ITSN1: variants seen among roughly 807,000 people sequenced by gnomAD.
The protein encoded by ITSN1 is intersectin 1.
A neutral mutation model predicts 239.8 loss-of-function variants in ITSN1; 58 were observed. The observed-to-expected ratio is 0.24, with a 90% CI of 0.20 to 0.30. The LOEUF is 0.30. Ranked by LOEUF, ITSN1 falls within the 10% of genes least tolerant of loss-of-function variation. ITSN1 has a pLI of 1.00. For missense variants in ITSN1, 1,558 were observed against 2,103.3 expected (o/e 0.74, Z 5.07); for synonymous variants, 780 against 770.8 (o/e 1.01, Z -0.20).
intron 29 of ITSN1, among the ~76,000 whole-genome samples, chr21:33,855,084 G>A (rs1979063559): frequency 6.6e-6 from 1 of 152,164 alleles, no homozygotes; most frequent in South Asian, 2.1e-4. Context: ...TTGGCCCAGA[G>A]GGATCATACA....
intron 1 of ITSN1, among the ~76,000 whole-genome samples, chr21:33,717,371 A>G (rs1305787743): frequency 2.0e-5 from 3 of 149,856 alleles, no homozygotes; most frequent in Non-Finnish European, 4.4e-5. Flanking sequence ...TAATTTTTGT[A>G]TTTTTACTAG....
chr21:33,856,877 A>G lies in ITSN1; in HGVS notation c.3783+20A>G. The G allele has an allele frequency of 6.4e-7, 1 of 1,567,290 alleles. No individual in the cohort carries two copies. ...ACAGAGGTAAGGGAGCTGGTGGGGC[A>G]GGGGGCACGGCAGGGGGCGATGACG... is the stretch of plus-strand genomic sequence containing the variant. On this transcript the variant is annotated intron_variant, in intron 30 of 39. Coordinates refer to ENST00000381318, the MANE Select transcript of ITSN1 (RefSeq NM_003024.3).
At chr21:33,886,486 A>G (rs767977417) in intron 39 of ITSN1, 26 bp downstream of exon 39, 8 of 1,508,754 alleles carry the variant, frequency 5.3e-6, no homozygotes, top group Non-Finnish European at 7.1e-6. Flanking sequence ...CCCTGTGGTT[A>G]TTCCTCCTTC....
At chr21:33,704,040 T>G (rs571213202) in intron 1 of ITSN1, among the ~76,000 whole-genome samples, 1 of 152,288 alleles carries the variant, frequency 6.6e-6, no homozygotes, top group East Asian at 1.9e-4. Flanking sequence ...TTCTGTTTGT[T>G]TTCAGCGTAG....
intron 22 of ITSN1, among the ~76,000 whole-genome samples, chr21:33,816,234 T>A (rs1198869194): frequency 6.6e-6 from 1 of 151,752 alleles, no homozygotes; most frequent in Non-Finnish European, 1.5e-5. Flanking sequence ...TTAACCTGAG[T>A]CCGTAATAGA....
intron 25 of ITSN1, among the ~76,000 whole-genome samples, chr21:33,824,077 T>C (rs2073842508): frequency 6.6e-6 from 1 of 152,188 alleles, no homozygotes; most frequent in Admixed American, 6.5e-5. Context: ...GAATATTGGA[T>C]ATTATTAGAA....
At chr21:33,863,122 A>G (rs1444968368) in intron 31 of ITSN1, among the ~76,000 whole-genome samples, 1 of 152,216 alleles carries the variant, frequency 6.6e-6, no homozygotes, top group African/African-American at 2.4e-5. Context: ...TGCGGTCTTC[A>G]TAAGTCTTTG....
rs557977306 is a variant in ITSN1 at position 33,666,084 on chromosome 21, G to A, written c.-33+23371G>A. 5.3e-5 allele frequency among the ~76,000 whole-genome samples: 8 copies of A among 152,120 alleles called. No individual in the cohort carries two copies. The East Asian group carries it at 1.2e-3, about 22-fold the overall frequency. ...GCTGGGATTACAGGTGCCCACTGTC[G>A]TGCCCAGCTAATTCTTTTGCATTTT... is the stretch of plus-strand genomic sequence containing the variant. On this transcript the variant is annotated intron_variant, in intron 1 of 39. Coordinates refer to ENST00000381318, the MANE Select transcript of ITSN1 (RefSeq NM_003024.3).
chr21:33,738,471 G>A (rs1005493983), intron 5 of ITSN1, among the ~76,000 whole-genome samples: 3 of 151,512 alleles, frequency 2.0e-5, no homozygotes, highest in South Asian at 2.1e-4. Flanking sequence ...GCATGATCTC[G>A]GCTCACTGCA....
At chr21:33,834,457 G>T (rs199832630) in intron 28 of ITSN1, 33 bp downstream of exon 28, 3 of 1,396,832 alleles carry the variant, frequency 2.1e-6, no homozygotes, top group East Asian at 2.3e-5. Context: ...CTGGAAGATG[G>T]TCTGCATGCC....
intron 24 of ITSN1, among the ~76,000 whole-genome samples, chr21:33,822,080 T>A (rs2073713278): frequency 6.6e-6 from 1 of 152,216 alleles, no homozygotes; most frequent in South Asian, 2.1e-4. Context: ...CCCTGGGACG[T>A]TTGAATGACC....
intron 17 of ITSN1, among the ~76,000 whole-genome samples, chr21:33,795,026 T>C (rs549611837): frequency 6.6e-6 from 1 of 152,372 alleles, no homozygotes; most frequent in South Asian, 2.1e-4. Flanking sequence ...CTGTAGTAAA[T>C]TGTAGAAATT....
chr21:33,710,086 T>G (rs1286846571), intron 1 of ITSN1, among the ~76,000 whole-genome samples: 9 of 151,204 alleles, frequency 6.0e-5, no homozygotes, highest in Admixed American at 1.3e-4. Context: ...TTTTTGTTTT[T>G]TTTTTTTTTT....
chr21:33,755,343 A>C lies in ITSN1; in HGVS notation c.670A>C (p.Lys224Gln). 6.2e-7 allele frequency: 1 copy of C among 1,611,638 alleles called. No homozygotes were observed. The highest frequency in any genetic ancestry group is 8.5e-7 in the Non-Finnish European group (1 of 1,178,498). Residue 224 changes from lysine (K) to glutamine (Q), a missense_variant, in exon 8 of 40, where the codon AAA (lysine) becomes CAA (glutamine). By Grantham distance (53) the Lys-to-Gln change is moderately conservative. Coordinates refer to ENST00000381318, the MANE Select transcript of ITSN1 (RefSeq NM_003024.3). ...GGCTGTTCCTCAGTCATCAAGACTG[A>C]AATACAGGCAATTATTCAATAGTCA... ...EWAVPQSSRL[K>Q]YRQLFNSHDK...
At chr21:33,851,214 G>A (rs1349198821) in intron 29 of ITSN1, among the ~76,000 whole-genome samples, 1 of 151,974 alleles carries the variant, frequency 6.6e-6, no homozygotes, top group African/African-American at 2.4e-5. Flanking sequence ...TGGCACCTGG[G>A]TGAAGGCTTG....
chr21:33,757,110 A>C (rs1037580475), intron 8 of ITSN1: 1 of 152,234 alleles, frequency 6.6e-6, no homozygotes, highest in African/African-American at 2.4e-5. Flanking sequence ...ACTGTTTTAC[A>C]TGGTTTGTTT....
intron 14 of ITSN1, among the ~76,000 whole-genome samples, chr21:33,778,842 T>G (rs2069887840): frequency 6.6e-6 from 1 of 151,622 alleles, no homozygotes; most frequent in South Asian, 2.1e-4. Flanking sequence ...CCTCCCAAAG[T>G]GCTGGGATTA....
In ITSN1 at chr21:33,748,207, C is replaced by T. The variant is rs1172387976; in HGVS notation, c.347-1936C>T. On this transcript the variant is annotated intron_variant, in intron 5 of 39. Transcript: ENST00000381318. ...TTTGGATGCATACAGTGGCTCAGCC[C>T]TGTAATCCCAGCACCGTGAGAGGCT... is the stretch of plus-strand genomic sequence containing the variant. 3.9e-5 allele frequency among the ~76,000 whole-genome samples: 6 copies of T among 152,266 alleles called. No homozygotes were observed. The South Asian group carries it at 1.2e-3, about 32-fold the overall frequency.
intron 1 of ITSN1, among the ~76,000 whole-genome samples, chr21:33,683,652 C>A (rs1388915401): frequency 6.6e-6 from 1 of 152,044 alleles, no homozygotes; most frequent in African/African-American, 2.4e-5. Context: ...AGATTGAATT[C>A]CTTATAAATA....
Sources: gnomAD v4.1 joint callset for allele counts (sites outside exome capture counted in the v4.1 genomes callset) on GRCh38, gnomAD v4.1.1 for gene constraint, MANE v1.5 for transcripts, NCBI Gene and HGNC (gene_info 2026-07-23, HGNC 2026-07-21) for gene names.